The following EYA1 variants were observed in gnomAD, a reference collection of about 807,000 sequenced individuals.
EYA1 encodes the protein EYA transcriptional coactivator and phosphatase 1.
A neutral mutation model predicts 82.0 loss-of-function variants in EYA1; 16 were observed. The ratio of observed to expected loss-of-function variants is 0.20; its 90% CI spans 0.13 to 0.30. The LOEUF is 0.30. Ranked by LOEUF, EYA1 falls within the 10% of genes least tolerant of loss-of-function variation. The pLI is 1.00. For missense variants in EYA1, 633 were observed against 730.7 expected, an observed-to-expected ratio of 0.87 and a Z score of 1.54; for synonymous variants, 261 against 264.4, an observed-to-expected ratio of 0.99 and a Z score of 0.12.
At chr8:71,315,338 TTTGGTGG>T (rs1821799749) in intron 7 of EYA1, among the ~76,000 whole-genome samples, 2 of 152,228 alleles carry the variant, frequency 1.3e-5, no homozygotes, top group Non-Finnish European at 2.9e-5. Flanking sequence ...AGCTTTAGCT[TTTGGTGG>T]ACGGGTAATG....
In EYA1 at chr8:71,254,828, G is replaced by A. The variant is rs1389378361; in HGVS notation, c.1051-10136C>T. Reference sequence around the variant, plus strand: ...AATTTTGTGTGTAGAAAGCCCCGAAGACCTCCCCCCACCCCGCCCCCCACC... The same window carrying A: ...AATTTTGTGTGTAGAAAGCCCCGAAAACCTCCCCCCACCCCGCCCCCCACC... On this transcript the variant is annotated intron_variant, in intron 11 of 17. Transcript: ENST00000340726. Among the ~76,000 whole-genome samples the A allele has an allele frequency of 2.0e-5, 3 of 151,764 alleles. No individual in the cohort carries two copies. The East Asian group carries it at 5.8e-4, about 29-fold the overall frequency.
chr8:71,487,184 A>G (rs1010623170), intron 2 of EYA1, among the ~76,000 whole-genome samples: 2 of 152,010 alleles, frequency 1.3e-5, no homozygotes, highest in African/African-American at 4.8e-5. Context: ...AGTGGGTACT[A>G]ACCCAGAAAA....
chr8:71,255,632 T>C (rs1455754512), intron 11 of EYA1, among the ~76,000 whole-genome samples: 2 of 152,064 alleles, frequency 1.3e-5, no homozygotes, highest in African/African-American at 4.8e-5. Flanking sequence ...AGACCTAAAA[T>C]ATAAAATGGT....
At chr8:71,437,036 A>G (rs1806059674) in intron 2 of EYA1, among the ~76,000 whole-genome samples, 2 of 121,240 alleles carry the variant, frequency 1.6e-5, no homozygotes, top group Admixed American at 9.1e-5. Flanking sequence ...TCTTAGTTCC[A>G]GGTGTGTGTG....
chr8:71,321,341 T>C (rs6472581), intron 6 of EYA1, among the ~76,000 whole-genome samples: 79,490 of 152,030 alleles, frequency 0.52, 22,200 homozygotes, highest in East Asian at 0.76. Context: ...ACTTGTACGT[T>C]CCTAATCACA....
chr8:71,481,563 G>C (rs1310921765), intron 2 of EYA1, among the ~76,000 whole-genome samples: 2 of 152,138 alleles, frequency 1.3e-5, no homozygotes, highest in African/African-American at 4.8e-5. Flanking sequence ...TGCTGAATAT[G>C]GGTATGAAAA....
intron 17 of EYA1, among the ~76,000 whole-genome samples, chr8:71,201,555 T>G (rs1186772863): frequency 6.6e-6 from 1 of 152,214 alleles, no homozygotes; most frequent in Non-Finnish European, 1.5e-5. Context: ...AAATTCATGT[T>G]GTAAAATATA....
intron 2 of EYA1, among the ~76,000 whole-genome samples, chr8:71,500,377 G>A (rs1811725407): frequency 6.6e-6 from 1 of 152,138 alleles, no homozygotes; most frequent in African/African-American, 2.4e-5. Flanking sequence ...CTAATGGTTA[G>A]GAGACAACTT....
At chr8:71,286,797 G>GTTT (rs141777395) in intron 9 of EYA1, among the ~76,000 whole-genome samples, 10 of 112,482 alleles carry the variant, frequency 8.9e-5, no homozygotes, top group African/African-American at 2.3e-4. Context: ...CATATTGGTA[G>GTTT]TTTTTTTTTT....
At chr8:71,406,739 G>C (rs572413787) in intron 2 of EYA1, among the ~76,000 whole-genome samples, 2 of 151,066 alleles carry the variant, frequency 1.3e-5, no homozygotes, top group African/African-American at 2.4e-5. Context: ...ACGGAATCTC[G>C]CTGATTGCTA....
At chr8:71,476,548 A>G (rs1437096968) in intron 2 of EYA1, among the ~76,000 whole-genome samples, 1 of 152,228 alleles carries the variant, frequency 6.6e-6, no homozygotes, top group South Asian at 2.1e-4. Context: ...TGAAAAATAT[A>G]AAACACTGTT....
At chr8:71,271,388 A>AT (rs1001277157) in intron 10 of EYA1, among the ~76,000 whole-genome samples, 8 of 151,902 alleles carry the variant, frequency 5.3e-5, no homozygotes, top group Non-Finnish European at 8.8e-5. Context: ...CACTCATTCT[A>AT]TTTTTTTTGT....
At chr8:71,265,017 T>G (rs35731168) in intron 11 of EYA1, among the ~76,000 whole-genome samples, 162 of 152,324 alleles carry the variant, frequency 1.1e-3, no homozygotes, top group Middle Eastern at 3.4e-3. Flanking sequence ...GAGCTTGGAT[T>G]TGAGTCTAGA....
At chr8:71,510,732 A>G (rs1221046432) in intron 2 of EYA1, among the ~76,000 whole-genome samples, 1 of 152,216 alleles carries the variant, frequency 6.6e-6, no homozygotes, top group Non-Finnish European at 1.5e-5. Context: ...ACACAGAGCC[A>G]AACCATATGA....
intron 12 of EYA1, among the ~76,000 whole-genome samples, chr8:71,223,175 C>T (rs912311124): frequency 2.0e-5 from 3 of 152,138 alleles, no homozygotes; most frequent in Admixed American, 6.5e-5. Context: ...ACTGCCACAG[C>T]GTGTCCTAAG....
At chr8:71,228,992 C>T (rs537532181) in intron 12 of EYA1, among the ~76,000 whole-genome samples, 1 of 152,288 alleles carries the variant, frequency 6.6e-6, no homozygotes, top group East Asian at 1.9e-4. Flanking sequence ...GGAGGGGAGA[C>T]AGGGAATATG....
intron 2 of EYA1, among the ~76,000 whole-genome samples, chr8:71,493,994 GCC>G (rs1250246911): frequency 1.1e-4 from 12 of 113,692 alleles, no homozygotes; most frequent in African/African-American, 3.7e-4. Flanking sequence ...CTGCACTCCA[GCC>G]TGGGCGACAG....
At chr8:71,475,065 G>C (rs144902916) in intron 2 of EYA1, among the ~76,000 whole-genome samples, 2,652 of 152,264 alleles carry the variant, frequency 0.017, 53 homozygotes, top group African/African-American at 0.061. Context: ...CTGGGATGCA[G>C]AGGTTTCAGT....
At chr8:71,315,725 C>T (rs1398883865) in intron 7 of EYA1, among the ~76,000 whole-genome samples, 1 of 152,170 alleles carries the variant, frequency 6.6e-6, no homozygotes, top group Non-Finnish European at 1.5e-5. Context: ...TATTCCTTTA[C>T]TCAATTGATA....
Sources: gnomAD v4.1 joint callset for allele counts (sites outside exome capture counted in the v4.1 genomes callset) on GRCh38, gnomAD v4.1.1 for gene constraint, MANE v1.5 for transcripts, NCBI Gene and HGNC (gene_info 2026-07-23, HGNC 2026-07-21) for gene names.